The following BAG3 variants were observed in gnomAD, a reference collection of about 807,000 sequenced individuals.
The protein encoded by BAG3 is BAG family molecular chaperone regulator 3.
A neutral mutation model predicts 40.5 loss-of-function variants in BAG3; 14 were observed. The ratio of observed to expected loss-of-function variants is 0.35; its 90% confidence interval spans 0.23 to 0.54. The LOEUF is 0.54. BAG3 is among the 20% of genes least tolerant of loss of function. BAG3 has a pLI of 0.91. For missense variants in BAG3, 788 were observed against 758.6 expected, an observed-to-expected ratio of 1.04 and a Z score of -0.46; for synonymous variants, 302 against 307.8, an observed-to-expected ratio of 0.98 and a Z score of 0.20.
chr10:119,677,596 C>G lies in BAG3; in HGVS notation c.*314C>G. On this transcript the variant is annotated 3_prime_UTR_variant, in exon 4 of 4. Transcript: ENST00000369085. ...TGGTTGTGCACTGTCTTTTGTAGCT[C>G]TGGACTGGAGGGGTAGATGGGGAGT... is the stretch of plus-strand genomic sequence containing the variant. The G allele has an allele frequency of 2.3e-6, 1 of 436,094 alleles. No homozygotes were observed. 27.0% of individuals were successfully genotyped at this position (436,094 alleles called of 1,614,324 possible). A position where few individuals can be genotyped will look rare whatever the true frequency, so the allele number is the denominator to read the frequency against.
rs780242996 is a variant in BAG3 at position 119,672,610 on chromosome 10, A to T, written c.863A>T (p.His288Leu). The change falls in exon 3 of 4, where the codon CAC becomes CTC. Residue 288 changes from histidine (H) to leucine (L), a missense_variant. Coordinates refer to ENST00000369085, the MANE Select transcript of BAG3 (RefSeq NM_004281.4). The surrounding 1 kb of genome is among the most constrained non-coding windows in gnomAD (Gnocchi z 4.8). ...CCAGCCAGGAGCAGCACGCCACTCC[A>T]CTCCCCCTCGCCCATCCGTGTGCAC... The part of the protein sequence containing the change: ...GSPARSSTPL[H>L]SPSPIRVHTV... The T allele has an allele frequency of 6.2e-7, 1 of 1,613,196 alleles. No homozygotes were observed. The highest frequency in any genetic ancestry group is 8.5e-7 in the Non-Finnish European group (1 of 1,179,856).
chr10:119,675,263 G>A (rs929952924), intron 3 of BAG3, among the ~76,000 whole-genome samples: 1 of 151,814 alleles, frequency 6.6e-6, no homozygotes, highest in African/African-American at 2.4e-5. Flanking sequence ...AGGCCAGAAG[G>A]TTGAGGCTGC....
At position 119,676,838 on chromosome 10, in the gene BAG3, C is replaced by A. The variant is rs1288702928; in HGVS notation, c.1284C>A (p.Ile428=). 2 of 1,614,022 alleles carry A rather than the reference C, an allele frequency of 1.2e-6. No individual in the cohort carries two copies. Among genetic ancestry groups the A allele is most frequent in the Admixed American group, 1.7e-5 (1 of 59,994 alleles). Reference sequence around the variant, plus strand: ...CAGGAGTGCTGAAAGTGGAAGCCATCCTGGAGAAGGTACAGGGGCTGGAGC... The same window carrying A: ...CAGGAGTGCTGAAAGTGGAAGCCATACTGGAGAAGGTACAGGGGCTGGAGC... ...KHPGVLKVEA[I]LEKVQGLEQA... The change falls in exon 4 of 4, where the codon ATC becomes ATA. Residue 428 remains isoleucine (I), a synonymous_variant. Coordinates refer to ENST00000369085, the MANE Select transcript of BAG3 (RefSeq NM_004281.4).
At chr10:119,671,773 G>A (rs1181123125) in intron 2 of BAG3, among the ~76,000 whole-genome samples, 1 of 151,450 alleles carries the variant, frequency 6.6e-6, no homozygotes, top group Non-Finnish European at 1.5e-5. Flanking sequence ...GTGTGTGTGT[G>A]TTTTGTTTTG....
chr10:119,660,701 TA>T (rs1464264270), intron 1 of BAG3, among the ~76,000 whole-genome samples: 1 of 151,848 alleles, frequency 6.6e-6, no homozygotes, highest in African/African-American at 2.4e-5. Flanking sequence ...AATAAATAAA[TA>T]TTTTTTTAAA....
intron 3 of BAG3, 89 bp from the exon 4 acceptor site, chr10:119,676,375 C>G: frequency 7.2e-7 from 1 of 1,386,252 alleles, no homozygotes; most frequent in Non-Finnish European, 1.0e-6. Context: ...AGCCATTTCT[C>G]AGTTTTCTTT....
intron 1 of BAG3, 109 bp from the exon 2 acceptor site, chr10:119,669,742 C>T: frequency 8.5e-7 from 1 of 1,171,024 alleles, no homozygotes; most frequent in East Asian, 2.4e-5. Context: ...GCTTTGAGGC[C>T]CAAGTCACTC....
In BAG3 at chr10:119,657,397, C is replaced by G. The variant is rs899769631; in HGVS notation, c.180+5542C>G. On this transcript the variant is annotated intron_variant, in intron 1 of 3. Transcript: ENST00000369085. ...TTTTCTGCTTTGTCTTGGGGTCACA[C>G]CCCTGTTAGGAGTTCTGGGGCAGAG... The G allele has an allele frequency of 2.1e-5, 8 of 374,028 alleles. No homozygotes were observed. In the Admixed American group the frequency reaches 2.3e-4, roughly 11 times the overall value. 23.2% of individuals were successfully genotyped at this position (374,028 alleles called of 1,614,324 possible). A position where few individuals can be genotyped will look rare whatever the true frequency, so the allele number is the denominator to read the frequency against.
At chr10:119,670,867 G>A (rs1181992986) in intron 2 of BAG3, among the ~76,000 whole-genome samples, 1 of 152,158 alleles carries the variant, frequency 6.6e-6, no homozygotes, top group Non-Finnish European at 1.5e-5. Context: ...TAAGCAGTAA[G>A]TCCTCTCATT....
chr10:119,659,607 G>A (rs548739811), intron 1 of BAG3, among the ~76,000 whole-genome samples: 12 of 152,372 alleles, frequency 7.9e-5, no homozygotes, highest in African/African-American at 2.9e-4. Context: ...CCGTCCATCA[G>A]AGAGGGTCCC....
Position 119,675,833 on chromosome 10 carries a change from CCCT to C in BAG3, c.910-630_910-628del, listed in dbSNP as rs1160396885. Among the ~76,000 whole-genome samples the C allele has an allele frequency of 8.3e-3, 411 of 49,452 alleles. 5 individuals are homozygous for C. The highest frequency in any genetic ancestry group is 0.012 in the Non-Finnish European group (297 of 24,654). 32.4% of individuals were successfully genotyped at this position (49,452 alleles called of 152,430 possible). On this transcript the variant is annotated intron_variant, in intron 3 of 3. Coordinates refer to ENST00000369085, the MANE Select transcript of BAG3 (RefSeq NM_004281.4). ...CCTTCCCTGCTTCCTTCCCCCTTCC[CCCT>C]TCCCTCCTTCCTTCCTGCCCCCTTC...
chr10:119,670,121 T>G lies in BAG3; in HGVS notation c.451T>G (p.Cys151Gly). The G allele has an allele frequency of 6.2e-7, 1 of 1,613,466 alleles. No homozygotes were observed. Among genetic ancestry groups the G allele is most frequent in the Non-Finnish European group, 8.5e-7 (1 of 1,179,720 alleles). Residue 151 changes from cysteine to glycine, a missense_variant, in exon 2 of 4, where the codon TGT (cysteine) becomes GGT (glycine). Coordinates refer to ENST00000369085, the MANE Select transcript of BAG3 (RefSeq NM_004281.4). ...MPETTQPDKQCGQVAAAAAAQ... is the reference protein window; with the variant it reads ...MPETTQPDKQGGQVAAAAAAQ... ...AGAAACCACTCAGCCAGATAAACAG[T>G]GTGGACAGGTGGCAGCGGCGGCGGC...
chr10:119,677,314 G>C lies in BAG3; in HGVS notation c.*32G>C. 1 of 1,611,994 alleles carries C rather than the reference G, an allele frequency of 6.2e-7. No individual in the cohort carries two copies. Among genetic ancestry groups the C allele is most frequent in the Non-Finnish European group, 8.5e-7 (1 of 1,179,206 alleles). On this transcript the variant is annotated 3_prime_UTR_variant, in exon 4 of 4. Transcript: ENST00000369085. The stretch of plus-strand genomic sequence containing the variant: ...CCCTGTAAAAATCAGACTCGGAACC[G>C]ATGTGTGCTTTAGGGAATTTTAAGT...
chr10:119,670,356 C>T lies in BAG3; in HGVS notation c.507+179C>T, dbSNP rs78895986. On this transcript the variant is annotated intron_variant, in intron 2 of 3. Coordinates refer to ENST00000369085, the MANE Select transcript of BAG3 (RefSeq NM_004281.4). ...AGACAGGGTGATGGCCCCACATCAT[C>T]CCCCAGCATCTCATAGGGCTGTTCT... Among the ~76,000 whole-genome samples, 43 of 152,374 alleles carry T rather than the reference C, an allele frequency of 2.8e-4. No individual in the cohort carries two copies. In the East Asian group the frequency reaches 6.2e-3, roughly 22 times the overall value.
In BAG3 at chr10:119,672,660, C is replaced by T. The variant is rs376351857; in HGVS notation, c.909+4C>T. On this transcript the variant is annotated splice_donor_region_variant and intron_variant, in intron 3 of 3. Coordinates refer to ENST00000369085, the MANE Select transcript of BAG3 (RefSeq NM_004281.4). The surrounding 1 kb of genome is among the most constrained non-coding windows in gnomAD (Gnocchi z 4.8). The stretch of plus-strand genomic sequence containing the variant: ...CACCGTGGTCGACAGGCCTCAGGTA[C>T]GGGAAGTTAGTCGTCAGCAGACTGG... The T allele has an allele frequency of 8.7e-6, 14 of 1,612,334 alleles. No homozygotes were observed. Among genetic ancestry groups the T allele is most frequent in the Admixed American group, 1.7e-5 (1 of 60,010 alleles).
Position 119,651,929 on chromosome 10 carries a change from G to C in BAG3, c.180+74G>C, listed in dbSNP as rs1466285907. 4.9e-6 allele frequency: 6 copies of C among 1,215,506 alleles called. No homozygotes were observed. The East Asian group carries it at 1.4e-4, about 28-fold the overall frequency. The allele number at this position is 1,215,506 out of a possible 1,614,324, so 75.3% of individuals were successfully genotyped here. A position where few individuals can be genotyped will look rare whatever the true frequency, so the allele number is the denominator to read the frequency against. On this transcript the variant is annotated intron_variant, in intron 1 of 3. Coordinates refer to ENST00000369085, the MANE Select transcript of BAG3 (RefSeq NM_004281.4). ...CAGGCGGCGGGGAGTGGGCTGGGCC[G>C]GGGGGACGCGAGGCGGCGGGGCCCG...
At chr10:119,665,119 T>G (rs1847043502) in intron 1 of BAG3, among the ~76,000 whole-genome samples, 1 of 76,438 alleles carries the variant, frequency 1.3e-5, no homozygotes, top group Non-Finnish European at 3.0e-5. Flanking sequence ...TGTGTGTGTG[T>G]GTGTGTGTAT....
chr10:119,662,752 C>T (rs1847010128), intron 1 of BAG3, among the ~76,000 whole-genome samples: 1 of 152,126 alleles, frequency 6.6e-6, no homozygotes, highest in Admixed American at 6.6e-5. Flanking sequence ...TGGTGGCTCA[C>T]GCCTGTAATC....
In BAG3 at chr10:119,672,304, C is replaced by T. The variant is rs766766600; in HGVS notation, c.557C>T (p.Ala186Val). 3 of 1,614,006 alleles carry T rather than the reference C, an allele frequency of 1.9e-6. No individual in the cohort carries two copies. Among genetic ancestry groups the T allele is most frequent in the Non-Finnish European group, 1.7e-6 (2 of 1,180,010 alleles). The change falls in exon 3 of 4, where the codon GCC becomes GTC. Residue 186 changes from alanine (A) to valine (V), a missense_variant. Coordinates refer to ENST00000369085, the MANE Select transcript of BAG3 (RefSeq NM_004281.4). The surrounding 1 kb of genome is among the most constrained non-coding windows in gnomAD (Gnocchi z 4.8). ...GACTGCTCATCCTCATCCTCCTCGG[C>T]CAGCCTGCCTTCCTCCGGCAGGAGC... ...ASDCSSSSSS[A>V]SLPSSGRSSL... is the part of the protein sequence containing the mutation.
Sources: allele counts gnomAD v4.1 joint callset (sites outside exome capture counted in the v4.1 genomes callset), GRCh38; gene constraint gnomAD v4.1.1; non-coding constraint Gnocchi (gnomAD v3.1); transcripts MANE v1.5; gene names NCBI Gene and HGNC (gene_info 2026-07-23, HGNC 2026-07-21).